Variants in SUPT3H observed in about 807,000 individuals in gnomAD.
SUPT3H encodes transcription initiation protein SPT3 homolog.
In SUPT3H, 44 loss-of-function variants were observed where a neutral mutation model predicts 44.3. The observed-to-expected ratio is 0.99, with a 90% CI of 0.78 to 1.28. The LOEUF is 1.28. Ranked by LOEUF, SUPT3H falls within the 50% of genes most tolerant of loss-of-function variation. The pLI, the probability that SUPT3H is intolerant of heterozygous loss-of-function variation, is 0.00. For missense variants in SUPT3H, 380 were observed against 387.1 expected (o/e 0.98, Z 0.15); for synonymous variants, 124 against 125.6 (o/e 0.99, Z 0.09).
At chr6:45,080,823 C>CA (rs1227758642) in intron 3 of SUPT3H, among the ~76,000 whole-genome samples, 3 of 151,504 alleles carry the variant, frequency 2.0e-5, no homozygotes, top group Non-Finnish European at 4.4e-5. Context: ...TTAATGGGTA[C>CA]AAAAAACAGA....
At chr6:45,147,627 G>C (rs1394336190) in intron 2 of SUPT3H, among the ~76,000 whole-genome samples, 1 of 152,008 alleles carries the variant, frequency 6.6e-6, no homozygotes, top group Non-Finnish European at 1.5e-5. Context: ...ACAAGAATTA[G>C]ATCATCTAGG....
intron 2 of SUPT3H, among the ~76,000 whole-genome samples, chr6:45,164,433 A>C (rs1009352697): frequency 6.6e-6 from 1 of 152,182 alleles, no homozygotes; most frequent in African/African-American, 2.4e-5. Context: ...ACTTTACAGA[A>C]TCTAACTACC....
At chr6:44,964,638 C>T (rs548251363) in intron 6 of SUPT3H, among the ~76,000 whole-genome samples, 20 of 152,292 alleles carry the variant, frequency 1.3e-4, no homozygotes, top group African/African-American at 3.1e-4. Context: ...AATGCCTATT[C>T]TCTTTTCTTC....
chr6:45,320,842 A>G (rs1038351092), intron 2 of SUPT3H, among the ~76,000 whole-genome samples: 6 of 152,206 alleles, frequency 3.9e-5, no homozygotes, highest in Admixed American at 2.6e-4. Flanking sequence ...TACTCCTTGT[A>G]AAGTGTAATG....
intron 2 of SUPT3H, among the ~76,000 whole-genome samples, chr6:45,336,139 A>G (rs1581681516): frequency 1.3e-5 from 2 of 151,384 alleles, no homozygotes; most frequent in Non-Finnish European, 3.0e-5. Context: ...TTTCAAAACC[A>G]AACACATATA....
chr6:45,127,053 C>T (rs1802547930), intron 2 of SUPT3H, among the ~76,000 whole-genome samples: 2 of 152,120 alleles, frequency 1.3e-5, no homozygotes, highest in South Asian at 2.1e-4. Flanking sequence ...CAGTGGCTGA[C>T]GCCTGTAATC....
At chr6:45,115,425 T>C (rs959589147) in intron 2 of SUPT3H, among the ~76,000 whole-genome samples, 24 of 152,144 alleles carry the variant, frequency 1.6e-4, no homozygotes, top group African/African-American at 5.3e-4. Context: ...AAATGACATA[T>C]TTTATTCTTT....
chr6:44,945,206 C>A (rs989887471), intron 9 of SUPT3H, among the ~76,000 whole-genome samples: 35 of 152,226 alleles, frequency 2.3e-4, no homozygotes, highest in African/African-American at 8.2e-4. Flanking sequence ...AGTGTTTGTT[C>A]CGACTACTCC....
chr6:44,834,916 C>A (rs533885868), intron 10 of SUPT3H, among the ~76,000 whole-genome samples: 1 of 151,966 alleles, frequency 6.6e-6, no homozygotes, highest in African/African-American at 2.4e-5. Context: ...TAATTATGTC[C>A]GAAACAATAT....
chr6:45,355,580 T>C (rs1343952325), intron 2 of SUPT3H, among the ~76,000 whole-genome samples: 4 of 152,172 alleles, frequency 2.6e-5, no homozygotes, highest in African/African-American at 7.2e-5. Context: ...ATCACTCAGA[T>C]GTAGCATTAT....
At chr6:45,265,902 T>C (rs1334196603) in intron 2 of SUPT3H, among the ~76,000 whole-genome samples, 1 of 152,054 alleles carries the variant, frequency 6.6e-6, no homozygotes, top group Non-Finnish European at 1.5e-5. Context: ...TATCAAAATG[T>C]ATCTACCAAA....
At chr6:45,223,203 G>C (rs1205566849) in intron 2 of SUPT3H, among the ~76,000 whole-genome samples, 1 of 151,956 alleles carries the variant, frequency 6.6e-6, no homozygotes, top group African/African-American at 2.4e-5. Context: ...ACAAGTTCAA[G>C]TGCAGAAATC....
chr6:44,843,143 A>T (rs1340021975), intron 10 of SUPT3H, among the ~76,000 whole-genome samples: 1 of 152,190 alleles, frequency 6.6e-6, no homozygotes, highest in Non-Finnish European at 1.5e-5. Flanking sequence ...AATTATTATA[A>T]ATTGTTTTAT....
At chr6:45,136,164 G>A (rs1804244043) in intron 2 of SUPT3H, among the ~76,000 whole-genome samples, 1 of 152,140 alleles carries the variant, frequency 6.6e-6, no homozygotes, top group African/African-American at 2.4e-5. Context: ...CAAACTATTT[G>A]AGCACAATCT....
At chr6:45,030,410 G>A (rs1786730291) in intron 3 of SUPT3H, among the ~76,000 whole-genome samples, 1 of 152,076 alleles carries the variant, frequency 6.6e-6, no homozygotes, top group Non-Finnish European at 1.5e-5. Flanking sequence ...GTTCACATTT[G>A]TAAACAGGCA....
intron 7 of SUPT3H, 58 bp from the exon 8 acceptor site, chr6:44,954,665 G>T (rs1025093059): frequency 5.4e-6 from 5 of 931,054 alleles, no homozygotes; most frequent in African/African-American, 5.0e-5. Flanking sequence ...TTTTAATACT[G>T]CACATTACTA....
At chr6:45,134,289 G>A (rs538573812) in intron 2 of SUPT3H, among the ~76,000 whole-genome samples, 2 of 152,274 alleles carry the variant, frequency 1.3e-5, no homozygotes, top group African/African-American at 2.4e-5. Flanking sequence ...CATTCAGGGA[G>A]ACAAAGCCCT....
At chr6:45,353,079 CATT>C (rs200540231) in intron 2 of SUPT3H, among the ~76,000 whole-genome samples, 1,869 of 152,164 alleles carry the variant, frequency 0.012, 48 homozygotes, top group African/African-American at 0.043. Flanking sequence ...CCGGCCCACT[CATT>C]AGTCAGTTGT....
intron 6 of SUPT3H, among the ~76,000 whole-genome samples, chr6:44,967,052 T>G (rs759491774): frequency 6.6e-6 from 1 of 152,222 alleles, no homozygotes; most frequent in Non-Finnish European, 1.5e-5. Context: ...TGAACATTCA[T>G]AAAATATGCA....
Sources: allele counts gnomAD v4.1 joint callset (sites outside exome capture counted in the v4.1 genomes callset), GRCh38; gene constraint gnomAD v4.1.1; transcripts MANE v1.5; gene names NCBI Gene and HGNC (gene_info 2026-07-23, HGNC 2026-07-21).